Variants in ASIC2 observed in about 807,000 individuals in gnomAD.
ASIC2 encodes acid-sensing ion channel 2.
A neutral mutation model predicts 57.3 loss-of-function variants in ASIC2; 25 were observed. The observed-to-expected ratio is 0.44, with a 90% CI of 0.32 to 0.61. The LOEUF (loss-of-function observed/expected upper bound fraction) is 0.61, where lower values mean the gene tolerates loss of function less well. Ranked by LOEUF, ASIC2 falls within the 20% of genes least tolerant of loss-of-function variation. The pLI is 0.06. For missense variants in ASIC2, 641 were observed against 738.1 expected (o/e 0.87, Z 1.52); for synonymous variants, 319 against 307.5 (o/e 1.04, Z -0.39).
At chr17:33,642,220 C>CGA (rs1491571205) in intron 1 of ASIC2, among the ~76,000 whole-genome samples, 1 of 139,134 alleles carries the variant, frequency 7.2e-6, no homozygotes, top group Non-Finnish European at 1.6e-5. Flanking sequence ...CCCCCCCCCC[C>CGA]CACACACAAT....
intron 1 of ASIC2, among the ~76,000 whole-genome samples, chr17:33,799,377 C>A (rs2881779): frequency 2.4e-5 from 1 of 40,914 alleles, no homozygotes; most frequent in Non-Finnish European, 7.2e-5. Flanking sequence ...TTTCTTTCTT[C>A]CTTTCTTTCT....
chr17:33,848,115 C>T (rs886077288), intron 1 of ASIC2, among the ~76,000 whole-genome samples: 1 of 152,164 alleles, frequency 6.6e-6, no homozygotes, highest in African/African-American at 2.4e-5. Context: ...CTTTGCATTA[C>T]ACGCTCTGCC....
intron 1 of ASIC2, among the ~76,000 whole-genome samples, chr17:33,582,864 G>A (rs9941383): frequency 0.1 from 15,571 of 152,016 alleles, 1,089 homozygotes; most frequent in East Asian, 0.3. Context: ...AAAAACCTCT[G>A]TCATGTTAAA....
At chr17:33,529,550 TTAGACAA>T (rs1414571915) in intron 1 of ASIC2, among the ~76,000 whole-genome samples, 4 of 152,214 alleles carry the variant, frequency 2.6e-5, no homozygotes, top group Admixed American at 2.6e-4. Flanking sequence ...AAGCAATAGT[TTAGACAA>T]CAGATTGTTT....
intron 1 of ASIC2, among the ~76,000 whole-genome samples, chr17:33,188,987 C>CA (rs979159797): frequency 6.6e-6 from 1 of 151,862 alleles, no homozygotes; most frequent in African/African-American, 2.4e-5. Context: ...AAATGTATGA[C>CA]AAAAAAGATG....
At chr17:34,109,104 T>G (rs1461297600) in intron 1 of ASIC2, among the ~76,000 whole-genome samples, 1 of 151,944 alleles carries the variant, frequency 6.6e-6, no homozygotes, top group Non-Finnish European at 1.5e-5. Flanking sequence ...TTTTGTCTAT[T>G]TTCAACCTAT....
At chr17:33,809,268 A>T (rs1379824948) in intron 1 of ASIC2, among the ~76,000 whole-genome samples, 2 of 152,198 alleles carry the variant, frequency 1.3e-5, no homozygotes, top group Non-Finnish European at 2.9e-5. Context: ...CTGGCGTTCC[A>T]GCCCTACTTC....
intron 1 of ASIC2, among the ~76,000 whole-genome samples, chr17:33,587,060 C>T (rs1466268860): frequency 3.3e-5 from 5 of 152,188 alleles, no homozygotes; most frequent in Admixed American, 2.0e-4. Flanking sequence ...GAACCAAATC[C>T]AGCCTGTTGC....
At chr17:33,793,329 C>T (rs923815080) in intron 1 of ASIC2, 5 of 152,346 alleles carry the variant, frequency 3.3e-5, no homozygotes. Context: ...ATCTTATCCT[C>T]ACAATAATGC....
intron 1 of ASIC2, among the ~76,000 whole-genome samples, chr17:33,301,958 G>T (rs565206363): frequency 3.9e-5 from 6 of 152,338 alleles, no homozygotes; most frequent in Admixed American, 2.0e-4. Context: ...TCCTTCAGAT[G>T]TCCAGACCCT....
chr17:33,107,171 C>T (rs1033475643), intron 2 of ASIC2, among the ~76,000 whole-genome samples: 7 of 152,178 alleles, frequency 4.6e-5, no homozygotes, highest in African/African-American at 1.7e-4. Flanking sequence ...AACAACCTCC[C>T]TTTCTGCCTT....
At chr17:33,552,464 G>A (rs954510984) in intron 1 of ASIC2, among the ~76,000 whole-genome samples, 13 of 152,216 alleles carry the variant, frequency 8.5e-5, no homozygotes, top group African/African-American at 1.9e-4. Flanking sequence ...GAAATGGGAG[G>A]TAGCATGTAG....
chr17:33,954,991 CAAGGT>C (rs1237831838), intron 1 of ASIC2: 1 of 152,204 alleles, frequency 6.6e-6, no homozygotes, highest in East Asian at 1.9e-4. Flanking sequence ...AGGCAGGATA[CAAGGT>C]GTAAAGTTCT....
chr17:33,735,745 G>C (rs1171249327), intron 1 of ASIC2, among the ~76,000 whole-genome samples: 4 of 152,094 alleles, frequency 2.6e-5, no homozygotes, highest in African/African-American at 9.7e-5. Flanking sequence ...ATCACTCACT[G>C]TGCTCCAGGG....
chr17:33,155,284 G>GC (rs1904955909), intron 1 of ASIC2, among the ~76,000 whole-genome samples: 1 of 152,240 alleles, frequency 6.6e-6, no homozygotes, highest in African/African-American at 2.4e-5. Context: ...CGCCGGGTGG[G>GC]CGCACTGTGG....
chr17:34,115,609 G>C (rs891007633), intron 1 of ASIC2, among the ~76,000 whole-genome samples: 1 of 152,086 alleles, frequency 6.6e-6, no homozygotes, highest in Non-Finnish European at 1.5e-5. Context: ...TTCTATTCTT[G>C]TGTGGCTTGG....
At chr17:33,146,601 T>C (rs1904573910) in intron 1 of ASIC2, among the ~76,000 whole-genome samples, 1 of 152,230 alleles carries the variant, frequency 6.6e-6, no homozygotes, top group Non-Finnish European at 1.5e-5. Flanking sequence ...CAGCCTGAAC[T>C]GAGCTAAGAC....
intron 1 of ASIC2, among the ~76,000 whole-genome samples, chr17:33,344,229 C>T (rs1305310480): frequency 1.3e-5 from 2 of 152,184 alleles, no homozygotes; most frequent in Admixed American, 6.5e-5. Flanking sequence ...TTTTGAATGA[C>T]CCCCAGGACT....
At chr17:33,309,356 A>C (rs987128300) in intron 1 of ASIC2, among the ~76,000 whole-genome samples, 1 of 152,212 alleles carries the variant, frequency 6.6e-6, no homozygotes, top group Non-Finnish European at 1.5e-5. Context: ...GGTAGATTCA[A>C]TATTTCAATC....
Sources: allele counts gnomAD v4.1 joint callset (sites outside exome capture counted in the v4.1 genomes callset), GRCh38; gene constraint gnomAD v4.1.1; transcripts MANE v1.5; gene names NCBI Gene and HGNC (gene_info 2026-07-23, HGNC 2026-07-21).